CGNL1: variants seen among roughly 807,000 people sequenced by gnomAD.
CGNL1 encodes cingulin-like protein 1.
In CGNL1, 132 loss-of-function variants were observed where a neutral mutation model predicts 141.2. That is an observed-to-expected ratio of 0.93 (90% CI 0.81 to 1.08). CGNL1 has a LOEUF of 1.08. Among genes scored for constraint, CGNL1 ranks in the 50% least tolerant of loss-of-function variants. The probability of loss-of-function intolerance (pLI) is 0.00; values close to 1 mark genes in which losing one functional copy is unlikely to be tolerated. For missense variants in CGNL1, 1,870 were observed against 1,588.6 expected (o/e 1.18, Z -3.01); for synonymous variants, 690 against 622.1 (o/e 1.11, Z -1.63).
chr15:57,387,273 A>C (rs2062494444), intron 1 of CGNL1, among the ~76,000 whole-genome samples: 1 of 152,214 alleles, frequency 6.6e-6, no homozygotes, highest in Admixed American at 6.5e-5. Flanking sequence ...ATGCACCAGC[A>C]CTTCACCACT....
Position 57,423,087 on chromosome 15 carries a change from A to G in CGNL1, c.-15-14898A>G, listed in dbSNP as rs542703226. Among the ~76,000 whole-genome samples, 22 of 152,246 alleles carry G rather than the reference A, an allele frequency of 1.4e-4. No individual in the cohort carries two copies. In the East Asian group the frequency reaches 4.1e-3, roughly 28 times the overall value. On this transcript the variant is annotated intron_variant, in intron 1 of 18. Coordinates refer to ENST00000281282, the MANE Select transcript of CGNL1 (RefSeq NM_032866.5). ...TTGTCTGGTTTGGATTCTCTTATCA[A>G]TGTTTTTGCCGGCATTCCCAGGATA...
chr15:57,504,960 C>T (rs954038563), intron 8 of CGNL1, among the ~76,000 whole-genome samples: 5 of 152,168 alleles, frequency 3.3e-5, no homozygotes, highest in African/African-American at 4.8e-5. Context: ...TAGAGCAGTC[C>T]TGGGGAAGGT....
In CGNL1 at chr15:57,546,237, A is replaced by G; in HGVS notation, c.3771A>G (p.Leu1257=). The G allele has an allele frequency of 1.3e-6, 2 of 1,576,898 alleles. No individual in the cohort carries two copies. The highest frequency in any genetic ancestry group is 1.8e-4 in the Middle Eastern group (1 of 5,512). The change falls in exon 18 of 19, where the codon TTA becomes TTG. Residue 1257 remains leucine, a splice_region_variant and synonymous_variant. Coordinates refer to ENST00000281282, the MANE Select transcript of CGNL1 (RefSeq NM_032866.5). ...AGCTCAACTCCATGAAGAAGGACTT[A>G]AGGTGGGCAGGTGTGGAGGCCACAG... ...QGQLNSMKKD[L]RLKKLPSKVL... is the part of the protein sequence containing the mutation.
Position 57,528,666 on chromosome 15 carries a change from G to C in CGNL1, c.3052G>C (p.Glu1018Gln). The change falls in exon 13 of 19, where the codon GAG (glutamate) becomes CAG (glutamine). Residue 1018 changes from glutamate (E) to glutamine (Q), a missense_variant. Physicochemically the swap from Glu to Gln is conservative, Grantham distance 29. Coordinates refer to ENST00000281282, the MANE Select transcript of CGNL1 (RefSeq NM_032866.5). Reference protein sequence around the residue: ...MKMQDEMRLMEEELRDYQRAQ... With the variant: ...MKMQDEMRLMQEELRDYQRAQ... ...TCTCTCCTCCTAGATGCGTCTGATG[G>C]AGGAAGAGTTACGGGACTACCAGAG... The C allele has an allele frequency of 1.9e-6, 3 of 1,614,068 alleles. No homozygotes were observed. The highest frequency in any genetic ancestry group is 2.5e-6 in the Non-Finnish European group (3 of 1,179,982).
At chr15:57,420,040 G>T (rs556956851) in intron 1 of CGNL1, among the ~76,000 whole-genome samples, 6 of 152,286 alleles carry the variant, frequency 3.9e-5, no homozygotes, top group Non-Finnish European at 8.8e-5. Flanking sequence ...AGATCTTTTA[G>T]TTGGCTCCTG....
At chr15:57,447,868 G>C (rs1445657162) in intron 4 of CGNL1, among the ~76,000 whole-genome samples, 1 of 150,928 alleles carries the variant, frequency 6.6e-6, no homozygotes, top group Non-Finnish European at 1.5e-5. Context: ...TGGGGCATCA[G>C]ATATTCTGGA....
Position 57,451,581 on chromosome 15 carries a change from C to G in CGNL1, c.1885C>G (p.Gln629Glu). 3 of 1,609,364 alleles carry G rather than the reference C, an allele frequency of 1.9e-6. No homozygotes were observed. The South Asian group carries it at 3.3e-5, about 18-fold the overall frequency. Residue 629 changes from glutamine to glutamate, a missense_variant, in exon 5 of 19, where the codon CAG (glutamine) becomes GAG (glutamate). Coordinates refer to ENST00000281282, the MANE Select transcript of CGNL1 (RefSeq NM_032866.5). ...CATAGAAGTGGCTGAACTTCAGAGACAGCTTCAACTGGAAGTCAAGGTATC... is the reference window on the plus strand; with the variant it reads ...CATAGAAGTGGCTGAACTTCAGAGAGAGCTTCAACTGGAAGTCAAGGTATC... ...LTIEVAELQRQLQLEVKNQQN... is the reference protein window; with the variant it reads ...LTIEVAELQRELQLEVKNQQN...
intron 14 of CGNL1, 29 bp from the exon 15 acceptor site, chr15:57,543,667 C>T: frequency 3.2e-6 from 5 of 1,575,742 alleles, no homozygotes; most frequent in Non-Finnish European, 4.4e-6. Context: ...GTCCTTCTAA[C>T]CTCTGGGCTT....
intron 8 of CGNL1, among the ~76,000 whole-genome samples, chr15:57,494,263 G>A (rs2063906006): frequency 6.6e-6 from 1 of 152,322 alleles, no homozygotes; most frequent in Non-Finnish European, 1.5e-5. Context: ...TAGTGTGTGA[G>A]TGGGGAGGGG....
intron 8 of CGNL1, among the ~76,000 whole-genome samples, chr15:57,513,253 G>GGTGTGTGTGTGTGTGTGTGTGT (rs369204678): frequency 7.5e-6 from 1 of 133,890 alleles, no homozygotes; most frequent in African/African-American, 2.8e-5. Flanking sequence ...TGTCAATATG[G>GGTGTGTGTGTGTGTGTGTGTGT]GTGTGTGTGT....
chr15:57,460,845 C>T (rs1303696858), intron 7 of CGNL1, among the ~76,000 whole-genome samples: 1 of 152,016 alleles, frequency 6.6e-6, no homozygotes, highest in Non-Finnish European at 1.5e-5. Context: ...GGAGTGAAGA[C>T]TGGGAGCAGG....
intron 8 of CGNL1, among the ~76,000 whole-genome samples, chr15:57,463,622 C>T (rs918265886): frequency 6.6e-6 from 1 of 152,214 alleles, no homozygotes; most frequent in Non-Finnish European, 1.5e-5. Context: ...CTGCTGCCAG[C>T]AACTTTCCTT....
intron 14 of CGNL1, among the ~76,000 whole-genome samples, chr15:57,543,018 A>G (rs764190086): frequency 4.6e-5 from 7 of 152,226 alleles, no homozygotes; most frequent in Non-Finnish European, 7.3e-5. Context: ...TAACAAAGTA[A>G]CACAACCTGG....
intron 1 of CGNL1, among the ~76,000 whole-genome samples, chr15:57,421,742 C>A (rs1374289088): frequency 1.3e-5 from 2 of 152,096 alleles, no homozygotes; most frequent in African/African-American, 2.4e-5. Flanking sequence ...CCCGTCCCTG[C>A]TCTTCAGTAT....
At chr15:57,382,361 G>A (rs924403129) in intron 1 of CGNL1, among the ~76,000 whole-genome samples, 2 of 152,188 alleles carry the variant, frequency 1.3e-5, no homozygotes, top group Non-Finnish European at 2.9e-5. Context: ...GAGTTAGAGT[G>A]TTTGGGATTA....
In CGNL1 at chr15:57,453,807, G is replaced by T; in HGVS notation, c.2179G>T (p.Ala727Ser). Residue 727 changes from alanine to serine, a missense_variant, in exon 7 of 19, where the codon GCT becomes TCT. Transcript: ENST00000281282. ...AKRSEDREKG[A>S]LIEELLQAKQ... The stretch of plus-strand genomic sequence containing the variant: ...GCGATCGGAGGACAGGGAGAAGGGA[G>T]CTCTGATTGAGGTAAGCAGGGCTGT... The T allele has an allele frequency of 6.2e-7, 1 of 1,613,522 alleles. No homozygotes were observed. Among genetic ancestry groups the T allele is most frequent in the Non-Finnish European group, 8.5e-7 (1 of 1,179,876 alleles).
At chr15:57,401,381 A>G (rs181086620) in intron 1 of CGNL1, among the ~76,000 whole-genome samples, 81 of 152,292 alleles carry the variant, frequency 5.3e-4, no homozygotes, top group African/African-American at 1.9e-3. Flanking sequence ...TAAATGCAGA[A>G]TTTTAAGCCT....
At chr15:57,494,009 C>T (rs1157135127) in intron 8 of CGNL1, among the ~76,000 whole-genome samples, 4 of 152,000 alleles carry the variant, frequency 2.6e-5, no homozygotes, top group Non-Finnish European at 4.4e-5. Flanking sequence ...ACATGTGTAA[C>T]CCCCAGTACC....
At chr15:57,396,277 GTTT>G (rs57154500) in intron 1 of CGNL1, among the ~76,000 whole-genome samples, 45,653 of 128,950 alleles carry the variant, frequency 0.35, 7,197 homozygotes, top group East Asian at 0.61. Flanking sequence ...TTCTTTCTTT[GTTT>G]TTTTTTTTTT....
Sources: gnomAD v4.1 joint callset for allele counts (sites outside exome capture counted in the v4.1 genomes callset) on GRCh38, gnomAD v4.1.1 for gene constraint, MANE v1.5 for transcripts, NCBI Gene and HGNC (gene_info 2026-07-23, HGNC 2026-07-21) for gene names.